RASGEF1A: variants seen among roughly 807,000 people sequenced by gnomAD.
RASGEF1A encodes ras-GEF domain-containing family member 1A.
RASGEF1A carries 18 observed loss-of-function variants against 56.4 expected under a neutral mutation model. The observed-to-expected ratio is 0.32, with a 90% CI of 0.22 to 0.47. The LOEUF (loss-of-function observed/expected upper bound fraction) is 0.47. RASGEF1A is among the 20% of genes least tolerant of loss of function. The pLI, the probability that RASGEF1A is intolerant of heterozygous loss-of-function variation, is 1.00. For missense variants in RASGEF1A, 422 were observed against 627.1 expected (o/e 0.67, Z 3.49); for synonymous variants, 245 against 242.6 (o/e 1.01, Z -0.09).
intron 1 of RASGEF1A, among the ~76,000 whole-genome samples, chr10:43,213,963 G>A (rs111284754): frequency 1.8e-4 from 28 of 152,190 alleles, no homozygotes; most frequent in Admixed American, 5.9e-4. Context: ...ACCCATGCCC[G>A]TCCCCCAGGC....
chr10:43,235,768 C>T (rs1395042099), intron 1 of RASGEF1A, among the ~76,000 whole-genome samples: 1 of 152,142 alleles, frequency 6.6e-6, no homozygotes, highest in Non-Finnish European at 1.5e-5. Flanking sequence ...ATCCAGGGAT[C>T]GGGGGGACAC....
chr10:43,255,716 C>T (rs1278548883), intron 1 of RASGEF1A, among the ~76,000 whole-genome samples: 1 of 152,248 alleles, frequency 6.6e-6, no homozygotes, highest in African/African-American at 2.4e-5. Context: ...ACCCAGACTC[C>T]CATGTCAGGG....
chr10:43,201,107 C>T (rs1480544520), intron 4 of RASGEF1A, among the ~76,000 whole-genome samples: 1 of 152,244 alleles, frequency 6.6e-6, no homozygotes, highest in Non-Finnish European at 1.5e-5. Flanking sequence ...TGTCCTGCTG[C>T]AGGACGAGGC....
Position 43,196,073 on chromosome 10 carries a change from CTT to C in RASGEF1A, c.*169_*170del, listed in dbSNP as rs1209501138. 3 of 578,698 alleles carry C rather than the reference CTT, an allele frequency of 5.2e-6. No homozygotes were observed. In the African/African-American group the frequency reaches 5.6e-5, roughly 11 times the overall value. 35.8% of individuals were successfully genotyped at this position (578,698 alleles called of 1,614,324 possible). On this transcript the variant is annotated 3_prime_UTR_variant, in exon 13 of 13. Coordinates refer to ENST00000395810, the MANE Select transcript of RASGEF1A (RefSeq NM_145313.4). This position sits in a 1 kb window ranked among gnomAD's most constrained non-coding sequence, Gnocchi z 4.6. ...TGTTATTTAAAATAAACAAAAAAAA[CTT>C]TGTAAGTGCCAAAGGTTGATGCGTG...
At chr10:43,225,840 T>C (rs990840307) in intron 1 of RASGEF1A, among the ~76,000 whole-genome samples, 2 of 152,134 alleles carry the variant, frequency 1.3e-5, no homozygotes, top group Non-Finnish European at 2.9e-5. Flanking sequence ...ATACTCAGGT[T>C]GGGGCCAGAG....
chr10:43,225,574 T>TC (rs1402760665), intron 1 of RASGEF1A, among the ~76,000 whole-genome samples: 5,508 of 141,104 alleles, frequency 0.039, 302 homozygotes, highest in African/African-American at 0.14. Flanking sequence ...TGTCTGTGTA[T>TC]GGGTGTGTGT....
intron 1 of RASGEF1A, among the ~76,000 whole-genome samples, chr10:43,262,235 G>A (rs572617480): frequency 2.0e-5 from 3 of 152,246 alleles, no homozygotes; most frequent in Admixed American, 6.5e-5. Context: ...CCCAGCTCCC[G>A]CCAGCCTCCT....
At chr10:43,225,100 G>A (rs762915289) in intron 1 of RASGEF1A, among the ~76,000 whole-genome samples, 10 of 151,400 alleles carry the variant, frequency 6.6e-5, no homozygotes, top group African/African-American at 2.2e-4. Flanking sequence ...CTGTTTCTGC[G>A]TGTGTGTGCC....
chr10:43,244,898 C>T (rs577588559), intron 1 of RASGEF1A, among the ~76,000 whole-genome samples: 6 of 151,916 alleles, frequency 3.9e-5, no homozygotes, highest in Admixed American at 3.9e-4. Flanking sequence ...TAACATTCCA[C>T]CTTGAGAAAC....
chr10:43,199,342 G>C, intron 7 of RASGEF1A, 148 bp from the exon 8 acceptor site: 1 of 685,860 alleles, frequency 1.5e-6, no homozygotes, highest in Non-Finnish European at 2.6e-6. Context: ...CTGCGTCTGG[G>C]AGGTCCAGAC....
intron 1 of RASGEF1A, among the ~76,000 whole-genome samples, chr10:43,247,185 A>T (rs943710013): frequency 2.0e-5 from 3 of 152,250 alleles, no homozygotes; most frequent in African/African-American, 7.2e-5. Flanking sequence ...ATTAGTTATT[A>T]GGATTTCAAA....
intron 1 of RASGEF1A, among the ~76,000 whole-genome samples, chr10:43,210,295 C>T (rs574469318): frequency 6.9e-6 from 1 of 145,474 alleles, no homozygotes; most frequent in Non-Finnish European, 1.5e-5. Context: ...AACATAGAGA[C>T]CCCTGTCTCT....
intron 1 of RASGEF1A, among the ~76,000 whole-genome samples, chr10:43,229,131 C>T (rs1840323349): frequency 6.6e-6 from 1 of 152,268 alleles, no homozygotes; most frequent in East Asian, 1.9e-4. Context: ...CCTCGAAGCC[C>T]CACGGTGGGC....
At chr10:43,213,848 G>A (rs939627802) in intron 1 of RASGEF1A, among the ~76,000 whole-genome samples, 2 of 152,030 alleles carry the variant, frequency 1.3e-5, no homozygotes. Context: ...GGCTGGTCTC[G>A]AACTCCTGGC....
intron 1 of RASGEF1A, among the ~76,000 whole-genome samples, chr10:43,239,953 T>A (rs931648817): frequency 6.6e-6 from 1 of 152,108 alleles, no homozygotes; most frequent in Non-Finnish European, 1.5e-5. Context: ...GACATGATCA[T>A]AGGGGTTTTG....
At chr10:43,252,888 C>T (rs1334407449) in intron 1 of RASGEF1A, among the ~76,000 whole-genome samples, 1 of 152,094 alleles carries the variant, frequency 6.6e-6, no homozygotes, top group East Asian at 1.9e-4. Flanking sequence ...GGACTAACCG[C>T]TCCCCTGCAC....
At chr10:43,211,317 G>A (rs979805680) in intron 1 of RASGEF1A, among the ~76,000 whole-genome samples, 1 of 152,126 alleles carries the variant, frequency 6.6e-6, no homozygotes, top group Non-Finnish European at 1.5e-5. Flanking sequence ...CGAGAAGGGG[G>A]TCCTCCCTGT....
intron 1 of RASGEF1A, among the ~76,000 whole-genome samples, chr10:43,263,407 G>A (rs1836570248): frequency 6.6e-6 from 1 of 152,182 alleles, no homozygotes; most frequent in Non-Finnish European, 1.5e-5. Flanking sequence ...GCCCGCACAG[G>A]CGACCAGGGT....
At chr10:43,258,387 G>A (rs75996063) in intron 1 of RASGEF1A, among the ~76,000 whole-genome samples, 1 of 152,176 alleles carries the variant, frequency 6.6e-6, no homozygotes, top group African/African-American at 2.4e-5. Context: ...CAGCAGGAGG[G>A]TGAAGTCTAG....
Sources: gnomAD v4.1 joint callset for allele counts (sites outside exome capture counted in the v4.1 genomes callset) on GRCh38, gnomAD v4.1.1 for gene constraint, Gnocchi (gnomAD v3.1) non-coding constraint, MANE v1.5 for transcripts, NCBI Gene and HGNC (gene_info 2026-07-23, HGNC 2026-07-21) for gene names.